USP13: variants seen among roughly 807,000 people sequenced by gnomAD.
The protein encoded by USP13 is ubiquitin specific peptidase 13.
In USP13, 68 loss-of-function variants were observed where a neutral mutation model predicts 107.8. The observed-to-expected ratio is 0.63, with a 90% CI of 0.52 to 0.77. USP13 has a LOEUF of 0.77. USP13 is among the 30% of genes least tolerant of loss of function. USP13 has a pLI of 0.00. For synonymous variants in USP13, 377 were observed against 389.5 expected (o/e 0.97, Z 0.38); for missense variants, 945 against 1,093.3 (o/e 0.86, Z 1.91).
chr3:179,724,005 A>G (rs1429714080), intron 8 of USP13, among the ~76,000 whole-genome samples: 1 of 151,816 alleles, frequency 6.6e-6, no homozygotes. Context: ...TTTAAAAAAA[A>G]AAAAAATAGC....
Position 179,653,695 on chromosome 3 carries a change from T to G in USP13, c.168+302T>G, listed in dbSNP as rs73052556. ...TAGATGAAATACAAGAGTTCCCTGT[T>G]CCGAACTGCACGTTGCAGATCGTTT... On this transcript the variant is annotated intron_variant, in intron 1 of 20. Transcript: ENST00000263966. The surrounding 1 kb of genome is among the most constrained non-coding windows in gnomAD (Gnocchi z 4.0). 1.9e-4 allele frequency: 65 copies of G among 343,924 alleles called. No homozygotes were observed. The highest frequency in any genetic ancestry group is 1.4e-3 in the East Asian group (21 of 15,510). 21.3% of individuals were successfully genotyped at this position (343,924 alleles called of 1,614,324 possible). A position where few individuals can be genotyped will look rare whatever the true frequency, so the allele number is the denominator to read the frequency against.
chr3:179,687,388 G>T (rs991113846), intron 2 of USP13, among the ~76,000 whole-genome samples: 2 of 151,854 alleles, frequency 1.3e-5, no homozygotes, highest in Non-Finnish European at 2.9e-5. Flanking sequence ...GGCCAGGTGC[G>T]GTGGCTCACA....
chr3:179,661,190 G>C (rs1416987966), intron 1 of USP13, among the ~76,000 whole-genome samples: 2 of 152,238 alleles, frequency 1.3e-5, no homozygotes, highest in East Asian at 1.9e-4. Context: ...AAAGACTCTG[G>C]GGTGTCAGAG....
chr3:179,717,102 G>T (rs905060672), intron 6 of USP13, among the ~76,000 whole-genome samples: 2 of 152,174 alleles, frequency 1.3e-5, no homozygotes, highest in African/African-American at 4.8e-5. Context: ...TTTAGGCCAA[G>T]CTGGGGAGCG....
rs1027967562 is a variant in USP13 at position 179,785,091 on chromosome 3, A to G, written c.*950A>G. The G allele has an allele frequency of 6.6e-6, 1 of 152,182 alleles. No homozygotes were observed. The highest frequency in any genetic ancestry group is 6.5e-5 in the Admixed American group (1 of 15,288). The allele number at this position is 152,182 out of a possible 1,614,324, so 9.4% of individuals were successfully genotyped here. On this transcript the variant is annotated 3_prime_UTR_variant, in exon 21 of 21. Coordinates refer to ENST00000263966, the MANE Select transcript of USP13 (RefSeq NM_003940.3). Reference sequence around the variant, plus strand: ...CTCAGCAGCCCTTTCCCCAAAAGGTATGGTGTTTATTTTTAGTAAAAATAG... The same window carrying G: ...CTCAGCAGCCCTTTCCCCAAAAGGTGTGGTGTTTATTTTTAGTAAAAATAG...
At chr3:179,692,692 A>C (rs1438461048) in intron 3 of USP13, among the ~76,000 whole-genome samples, 1 of 152,176 alleles carries the variant, frequency 6.6e-6, no homozygotes, top group Non-Finnish European at 1.5e-5. Context: ...TACCATTGTT[A>C]ATTTTTATTA....
chr3:179,700,516 T>G (rs915359322), intron 3 of USP13, among the ~76,000 whole-genome samples: 1 of 152,142 alleles, frequency 6.6e-6, no homozygotes, highest in South Asian at 2.1e-4. Flanking sequence ...AACATTAAGT[T>G]TTGGAGCTAG....
chr3:179,733,528 C>G (rs1713879291), intron 10 of USP13, among the ~76,000 whole-genome samples: 1 of 152,192 alleles, frequency 6.6e-6, no homozygotes, highest in East Asian at 1.9e-4. Context: ...TTGTGAGACT[C>G]TTTCCTTTTC....
chr3:179,684,261 A>G (rs574112210), intron 2 of USP13, among the ~76,000 whole-genome samples: 94 of 120,898 alleles, frequency 7.8e-4, no homozygotes, highest in African/African-American at 3.0e-3. Flanking sequence ...GCCTGGCAGT[A>G]TCACCCTTTA....
At chr3:179,769,519 T>G (rs1426449374) in intron 19 of USP13, among the ~76,000 whole-genome samples, 1 of 152,202 alleles carries the variant, frequency 6.6e-6, no homozygotes, top group African/African-American at 2.4e-5. Flanking sequence ...GTGATTCTCA[T>G]GCCTCAGCCT....
At chr3:179,778,028 A>G (rs1415699580) in intron 19 of USP13, among the ~76,000 whole-genome samples, 2 of 152,164 alleles carry the variant, frequency 1.3e-5, no homozygotes, top group Non-Finnish European at 2.9e-5. Context: ...ACCAGGCAAA[A>G]TGATTATCAT....
At position 179,681,937 on chromosome 3, in the gene USP13, T is replaced by C. The variant is rs2108453921; in HGVS notation, c.228T>C (p.His76=). ...MNTFLAFGRE[H]VERHFRKTGQ... ...CATTTTTGGCCTTTGGAAGGGAACA[T>C]GTTGAAAGACATTTTCGAAAAACTG... The change falls in exon 2 of 21, where the codon CAT becomes CAC. Residue 76 remains histidine (H), a synonymous_variant. Transcript: ENST00000263966. The C allele has an allele frequency of 1.2e-6, 2 of 1,614,088 alleles. No individual in the cohort carries two copies. The highest frequency in any genetic ancestry group is 2.2e-5 in the East Asian group (1 of 44,874).
intron 1 of USP13, among the ~76,000 whole-genome samples, chr3:179,654,315 C>G (rs1273188119): frequency 6.6e-6 from 1 of 152,024 alleles, no homozygotes; most frequent in Non-Finnish European, 1.5e-5. Flanking sequence ...CTTAAGCCTT[C>G]CCCACCTTGC....
intron 3 of USP13, among the ~76,000 whole-genome samples, chr3:179,698,306 G>A (rs1576933316): frequency 6.6e-6 from 1 of 152,250 alleles, no homozygotes; most frequent in East Asian, 1.9e-4. Context: ...TGATGATGAT[G>A]GTGATGGCAG....
In USP13 at chr3:179,706,983, A is replaced by T. The variant is rs1466057062; in HGVS notation, c.527A>T (p.Lys176Met). 1 of 1,614,164 alleles carries T rather than the reference A, an allele frequency of 6.2e-7. No homozygotes were observed. Residue 176 changes from lysine to methionine, a missense_variant, in exon 5 of 21, where the codon AAG becomes ATG. Physicochemically the swap from Lys to Met is moderately conservative, Grantham distance 95. Coordinates refer to ENST00000263966, the MANE Select transcript of USP13 (RefSeq NM_003940.3). ...AVLSSKSPYR[K>M]QDPDTWENEL... The stretch of plus-strand genomic sequence containing the variant: ...CTCAGCTCAAAATCTCCATACAGAA[A>T]GCAGGACCCAGACACGTGGGAAAAT...
chr3:179,670,231 G>T (rs1046812919), intron 1 of USP13, among the ~76,000 whole-genome samples: 2 of 152,204 alleles, frequency 1.3e-5, no homozygotes, highest in African/African-American at 4.8e-5. Context: ...CAATCCTCAG[G>T]CTCCTCTTAT....
rs368759180 is a variant in USP13, at chr3:179,682,014, C to T, written c.294+11C>T. 2.5e-5 allele frequency: 41 copies of T among 1,609,062 alleles called. No homozygotes were observed. Among genetic ancestry groups the T allele is most frequent in the Admixed American group, 3.4e-5 (2 of 59,612 alleles). On this transcript the variant is annotated intron_variant, in intron 2 of 20. Transcript: ENST00000263966. ...AGACATGTGCGAGAGGTGAGAGCGG[C>T]ACTTTCAGAGAACTGGCCTTGATGT...
chr3:179,756,970 C>G, intron 15 of USP13, 82 bp from the exon 16 acceptor site: 1 of 1,494,368 alleles, frequency 6.7e-7, no homozygotes, highest in Non-Finnish European at 9.3e-7. Flanking sequence ...ATTGGAAATG[C>G]CCTGGATCAA....
chr3:179,723,822 T>A (rs1477366941), intron 8 of USP13, among the ~76,000 whole-genome samples: 1 of 152,206 alleles, frequency 6.6e-6, no homozygotes, highest in East Asian at 1.9e-4. Context: ...TCAGTGGAGT[T>A]AGATTCAGGA....
Sources: gnomAD v4.1 joint callset for allele counts (sites outside exome capture counted in the v4.1 genomes callset) on GRCh38, gnomAD v4.1.1 for gene constraint, Gnocchi (gnomAD v3.1) non-coding constraint, MANE v1.5 for transcripts, NCBI Gene and HGNC (gene_info 2026-07-23, HGNC 2026-07-21) for gene names.